The following RNF228 variants were observed in gnomAD, a reference collection of about 807,000 sequenced individuals.
RNF228 encodes the protein ring finger protein 228.
chr2:222,319,286 G>A, the RNF228 span: 6 of 342,918 alleles, frequency 1.7e-5, no homozygotes, highest in Non-Finnish European at 3.2e-5. The surrounding 1 kb of genome is among the most constrained non-coding windows in gnomAD (Gnocchi z 7.6). Context: ...TTCCCCCGCC[G>A]CCGTAGTGGT....
chr2:222,316,351 T>C, the RNF228 span, among the ~76,000 whole-genome samples: 1 of 152,202 alleles, frequency 6.6e-6, no homozygotes, highest in East Asian at 1.9e-4. Flanking sequence ...CTCTCCATGT[T>C]TAGATACTGA....
chr2:222,315,072 A>G, the RNF228 span, among the ~76,000 whole-genome samples: 5 of 122,292 alleles, frequency 4.1e-5, no homozygotes, highest in African/African-American at 6.0e-5. Context: ...AGTGCTTGCC[A>G]TAAGTATTTT....
chr2:222,319,381 C>G, the RNF228 span: 1 of 321,168 alleles, frequency 3.1e-6, no homozygotes, highest in Non-Finnish European at 5.7e-6. This position sits in a 1 kb window ranked among gnomAD's most constrained non-coding sequence, Gnocchi z 7.6. Context: ...GTGAGCGCCG[C>G]GCGCTTGCAG....
chr2:222,316,759 C>G, the RNF228 span, among the ~76,000 whole-genome samples: 5 of 152,146 alleles, frequency 3.3e-5, no homozygotes, highest in Non-Finnish European at 7.3e-5. Flanking sequence ...TGTAGCTGCA[C>G]TTGTGCAACT....
the RNF228 span, among the ~76,000 whole-genome samples, chr2:222,319,975 C>T: frequency 6.6e-6 from 1 of 152,136 alleles, no homozygotes; most frequent in African/African-American, 2.4e-5. The surrounding 1 kb of genome is among the most constrained non-coding windows in gnomAD (Gnocchi z 7.6). Context: ...TCCGGGGCTC[C>T]CTTCGCGGCG....
the RNF228 span, chr2:222,318,783 C>G: frequency 2.0e-5 from 3 of 150,616 alleles, no homozygotes; most frequent in Non-Finnish European, 4.5e-5. Context: ...CCCCCCCCCC[C>G]ACCAACATCC....
chr2:222,314,340 T>C, the RNF228 span, among the ~76,000 whole-genome samples: 8 of 152,338 alleles, frequency 5.3e-5, no homozygotes, highest in South Asian at 4.1e-4. Context: ...AAGAGATCTC[T>C]AGCAGAGGAT....
the RNF228 span, chr2:222,318,778 C>CG: frequency 1.3e-5 from 2 of 150,524 alleles, no homozygotes; most frequent in African/African-American, 2.4e-5. Context: ...GAGACCCCCC[C>CG]CCCCCACCAA....
the RNF228 span, chr2:222,317,945 A>G: frequency 2.6e-5 from 4 of 152,234 alleles, no homozygotes; most frequent in Non-Finnish European, 5.9e-5. Context: ...GAGGTATGGG[A>G]ATAATGTCAC....
chr2:222,315,873 C>A, the RNF228 span, among the ~76,000 whole-genome samples: 1 of 152,144 alleles, frequency 6.6e-6, no homozygotes, highest in African/African-American at 2.4e-5. Flanking sequence ...CCTATGAAAG[C>A]ATGATGATGA....
the RNF228 span, chr2:222,318,260 C>G: frequency 2.6e-5 from 4 of 152,252 alleles, no homozygotes; most frequent in Non-Finnish European, 5.9e-5. Context: ...AGGCTCTGCT[C>G]CAGACAACAC....
the RNF228 span, chr2:222,317,827 T>A: frequency 6.6e-6 from 1 of 152,220 alleles, no homozygotes; most frequent in South Asian, 2.1e-4. Context: ...CTAGTTTATA[T>A]TTTATCAGAT....
At chr2:222,319,631 G>T in the RNF228 span, among the ~76,000 whole-genome samples, 1 of 145,342 alleles carries the variant, frequency 6.9e-6, no homozygotes, top group Non-Finnish European at 1.5e-5. This position sits in a 1 kb window ranked among gnomAD's most constrained non-coding sequence, Gnocchi z 7.6. Flanking sequence ...GGAAGGCCTC[G>T]GCTAGCTTGG....
At chr2:222,316,013 T>C in the RNF228 span, among the ~76,000 whole-genome samples, 2 of 152,004 alleles carry the variant, frequency 1.3e-5, no homozygotes, top group Non-Finnish European at 2.9e-5. Context: ...GTGTCCAGGA[T>C]TGAATCAAGC....
the RNF228 span, chr2:222,319,003 G>A: frequency 6.5e-6 from 1 of 154,062 alleles, no homozygotes; most frequent in East Asian, 1.9e-4. The surrounding 1 kb of genome is among the most constrained non-coding windows in gnomAD (Gnocchi z 7.6). Flanking sequence ...GGAGGTGCAG[G>A]CGCCGGTTCC....
chr2:222,319,606 C>A, the RNF228 span, among the ~76,000 whole-genome samples: 5 of 145,246 alleles, frequency 3.4e-5, no homozygotes, highest in Admixed American at 1.4e-4. This position sits in a 1 kb window ranked among gnomAD's most constrained non-coding sequence, Gnocchi z 7.6. Flanking sequence ...TCGTGCGCTG[C>A]GCGCAAAGCC....
the RNF228 span, among the ~76,000 whole-genome samples, chr2:222,320,057 C>G: frequency 6.6e-6 from 1 of 152,082 alleles, no homozygotes; most frequent in African/African-American, 2.4e-5. Context: ...CGCTCGCCGG[C>G]GCTGCCATGG....
the RNF228 span, chr2:222,317,242 T>C: frequency 6.6e-6 from 1 of 152,222 alleles, no homozygotes; most frequent in Non-Finnish European, 1.5e-5. Flanking sequence ...TGAAAATAGA[T>C]ATTTCTATAA....
the RNF228 span, among the ~76,000 whole-genome samples, chr2:222,315,286 T>C: frequency 6.6e-6 from 1 of 152,172 alleles, no homozygotes; most frequent in East Asian, 1.9e-4. Context: ...GCTTTGCAGA[T>C]CAAATGGATG....
Sources: gnomAD v4.1 joint callset for allele counts (sites outside exome capture counted in the v4.1 genomes callset) on GRCh38, gnomAD v4.1.1 for gene constraint, Gnocchi (gnomAD v3.1) non-coding constraint, MANE v1.5 for transcripts, NCBI Gene and HGNC (gene_info 2026-07-23, HGNC 2026-07-21) for gene names.